The following WLS variants were observed in gnomAD, a reference collection of about 807,000 sequenced individuals.
WLS encodes the protein Wnt ligand secretion mediator, also known as protein wntless homolog.
WLS carries 23 observed loss-of-function variants against 62.8 expected under a neutral mutation model. The observed-to-expected ratio is 0.37, with a 90% CI of 0.26 to 0.52. The LOEUF is 0.52. WLS is among the 20% of genes least tolerant of loss of function. The probability of loss-of-function intolerance (pLI) is 0.92; values close to 1 mark genes in which losing one functional copy is unlikely to be tolerated. For missense variants in WLS, 615 were observed against 697.3 expected (o/e 0.88, Z 1.33); for synonymous variants, 246 against 244.1 (o/e 1.01, Z -0.07).
chr1:68,183,970 G>A (rs1179662871), intron 2 of WLS, among the ~76,000 whole-genome samples: 1 of 152,178 alleles, frequency 6.6e-6, no homozygotes, highest in African/African-American at 2.4e-5. Flanking sequence ...GGGTTCCAGT[G>A]TACAGCACAA....
At chr1:68,152,744 G>T (rs1646843939) in intron 5 of WLS, among the ~76,000 whole-genome samples, 1 of 152,158 alleles carries the variant, frequency 6.6e-6, no homozygotes, top group Non-Finnish European at 1.5e-5. Context: ...GGCTTCAGGG[G>T]GAAGTGGGAA....
chr1:68,167,080 C>T (rs1471500060), intron 2 of WLS, among the ~76,000 whole-genome samples: 1 of 152,152 alleles, frequency 6.6e-6, no homozygotes, highest in Non-Finnish European at 1.5e-5. Flanking sequence ...TGGTTCCTTA[C>T]CTGTTAGGAT....
chr1:68,127,371 C>T (rs546979735), intron 11 of WLS, among the ~76,000 whole-genome samples: 3 of 152,100 alleles, frequency 2.0e-5, no homozygotes, highest in Non-Finnish European at 4.4e-5. Flanking sequence ...TTCCTTCTGC[C>T]CTCAGGATTG....
At chr1:68,098,598 T>G (rs754129529) in exon 12 of WLS, 1 of 1,610,744 alleles carries the variant, frequency 6.2e-7, no homozygotes, top group South Asian at 1.1e-5. Flanking sequence ...CAACTGCAAA[T>G]GCAAAGCTGA....
chr1:68,227,294 T>A (rs1231029581), intron 1 of WLS, among the ~76,000 whole-genome samples: 1 of 151,640 alleles, frequency 6.6e-6, no homozygotes, highest in Non-Finnish European at 1.5e-5. Flanking sequence ...AGCAGGTGCC[T>A]GTAATCCCAG....
intron 1 of WLS, among the ~76,000 whole-genome samples, chr1:68,195,690 C>T (rs922033069): frequency 2.6e-5 from 4 of 152,078 alleles, no homozygotes; most frequent in Admixed American, 1.3e-4. Context: ...AGTTCCAGAT[C>T]TTATATGGAA....
At chr1:68,228,694 G>T (rs2820473) in intron 1 of WLS, among the ~76,000 whole-genome samples, 7,393 of 151,664 alleles carry the variant, frequency 0.049, 203 homozygotes, top group African/African-American at 0.07. Context: ...TGTATCAGAT[G>T]TATGGTTTCA....
intron 1 of WLS, chr1:68,202,405 C>T (rs1649068385): frequency 6.6e-6 from 1 of 152,194 alleles, no homozygotes; most frequent in African/African-American, 2.4e-5. Flanking sequence ...CTGACCCTTA[C>T]CACCCTTGGT....
chr1:68,191,700 C>A (rs1029680497), intron 2 of WLS, among the ~76,000 whole-genome samples: 1 of 152,138 alleles, frequency 6.6e-6, no homozygotes, highest in African/African-American at 2.4e-5. Context: ...AGTGAGTGAA[C>A]AAGTGAGTCA....
At position 68,137,856 on chromosome 1, in the gene WLS, C is replaced by T. The variant is rs765541986; in HGVS notation, c.1440G>A (p.Met480Ile). The change falls in exon 11 of 12, where the codon ATG (methionine) becomes ATA (isoleucine). Residue 480 changes from methionine (M) to isoleucine (I), a missense_variant. By Grantham distance (10) the Met-to-Ile change is conservative. Coordinates refer to ENST00000262348, the MANE Select transcript of WLS (RefSeq NM_024911.7). Reference sequence around the variant, plus strand: ...TCAGAGCAAAGACATACAGATTCCACATCCCATAGATGCCTGTGAAAAAGG... The same window carrying T: ...TCAGAGCAAAGACATACAGATTCCATATCCCATAGATGCCTGTGAAAAAGG... Reference protein sequence around the residue: ...NSAFFTGIYGMWNLYVFALMF... With the variant: ...NSAFFTGIYGIWNLYVFALMF... 4 of 1,613,926 alleles carry T rather than the reference C, an allele frequency of 2.5e-6. No homozygotes were observed. Among genetic ancestry groups the T allele is most frequent in the East Asian group, 2.2e-5 (1 of 44,890 alleles).
chr1:68,113,308 C>T (rs886562272), intron 11 of WLS, among the ~76,000 whole-genome samples: 1 of 152,036 alleles, frequency 6.6e-6, no homozygotes, highest in Non-Finnish European at 1.5e-5. Flanking sequence ...TTGCAGAAGC[C>T]CTGGACTCAA....
intron 2 of WLS, among the ~76,000 whole-genome samples, chr1:68,168,157 A>C (rs1180525481): frequency 6.6e-6 from 1 of 152,110 alleles, no homozygotes; most frequent in African/African-American, 2.4e-5. Flanking sequence ...TGTCCCCAAG[A>C]AATCTAGGGC....
chr1:68,172,585 C>A (rs1175551599), intron 2 of WLS, among the ~76,000 whole-genome samples: 5 of 152,012 alleles, frequency 3.3e-5, no homozygotes, highest in African/African-American at 1.2e-4. Context: ...GTTTGTACTG[C>A]ATTAGAAGTA....
At chr1:68,153,424 C>T (rs1646853435) in intron 5 of WLS, 93 bp downstream of exon 5, 1 of 1,554,642 alleles carries the variant, frequency 6.4e-7, no homozygotes, top group African/African-American at 1.4e-5. Flanking sequence ...AAGTCACACA[C>T]TGGCTGCTTG....
chr1:68,162,671 G>A lies in WLS; in HGVS notation c.380-3424C>T, dbSNP rs934870132. 29 of 1,239,388 alleles carry A rather than the reference G, an allele frequency of 2.3e-5. No homozygotes were observed. The African/African-American group carries it at 4.3e-4, about 18-fold the overall frequency. 76.8% of individuals were successfully genotyped at this position (1,239,388 alleles called of 1,614,324 possible). A position where few individuals can be genotyped will look rare whatever the true frequency, so the allele number is the denominator to read the frequency against. ...TTCCTCTGGTACAGATTGAGGATGT[G>A]GCAGATGGTAGAGTCCGGTGTCTCT... is the stretch of plus-strand genomic sequence containing the variant. On this transcript the variant is annotated intron_variant, in intron 2 of 11. Coordinates refer to ENST00000262348, the MANE Select transcript of WLS (RefSeq NM_024911.7).
intron 2 of WLS, among the ~76,000 whole-genome samples, chr1:68,168,735 G>A (rs1570938144): frequency 6.6e-6 from 1 of 152,106 alleles, no homozygotes; most frequent in South Asian, 2.1e-4. Flanking sequence ...GTTTGTTTGG[G>A]TAACCTCAGA....
chr1:68,151,735 G>C (rs1207901570), intron 5 of WLS, among the ~76,000 whole-genome samples: 1 of 152,158 alleles, frequency 6.6e-6, no homozygotes, highest in African/African-American at 2.4e-5. Context: ...GGGCTGGTGG[G>C]TGGTGGAGAG....
chr1:68,107,755 T>C (rs1646167357), intron 11 of WLS, among the ~76,000 whole-genome samples: 1 of 152,192 alleles, frequency 6.6e-6, no homozygotes, highest in Non-Finnish European at 1.5e-5. Context: ...TATTTTTTTA[T>C]TACCCACATG....
chr1:68,224,037 G>C (rs144662103), intron 1 of WLS, among the ~76,000 whole-genome samples: 92 of 152,226 alleles, frequency 6.0e-4, no homozygotes, highest in African/African-American at 2.1e-3. Flanking sequence ...GTAATAACTT[G>C]GCCTTTTCTT....
Sources: allele counts gnomAD v4.1 joint callset (sites outside exome capture counted in the v4.1 genomes callset), GRCh38; gene constraint gnomAD v4.1.1; transcripts MANE v1.5; gene names NCBI Gene and HGNC (gene_info 2026-07-23, HGNC 2026-07-21).